Variants in PIF1 observed in about 807,000 individuals in gnomAD.
PIF1 encodes ATP-dependent DNA helicase PIF1.
In PIF1, 67 loss-of-function variants were observed where a neutral mutation model predicts 62.3. The ratio of observed to expected loss-of-function variants is 1.08; its 90% CI spans 0.88 to 1.32. The LOEUF (loss-of-function observed/expected upper bound fraction) is 1.32. Ranked by LOEUF, PIF1 falls within the 40% of genes most tolerant of loss-of-function variation. PIF1 has a pLI of 0.00. For synonymous variants in PIF1, 364 were observed against 379.5 expected, an observed-to-expected ratio of 0.96 and a Z score of 0.47; for missense variants, 886 against 866.1, an observed-to-expected ratio of 1.02 and a Z score of -0.29.
chr15:64,816,256 G>C lies in PIF1; in HGVS notation c.*42C>G. On this transcript the variant is annotated 3_prime_UTR_variant, in exon 13 of 13. Coordinates refer to ENST00000559239, the MANE Select transcript of PIF1 (RefSeq NM_001286496.2). ...GGCCACTAGGGAGCAGGAGGACGGG[G>C]AGGCCACAGGCCACCCTTTGTCTTC... 1 of 1,612,540 alleles carries C rather than the reference G, an allele frequency of 6.2e-7. No homozygotes were observed. Among genetic ancestry groups the C allele is most frequent in the Non-Finnish European group, 8.5e-7 (1 of 1,179,762 alleles).
chr15:64,816,801 G>A (rs749354500), intron 11 of PIF1, 36 bp from the exon 12 acceptor site: 7 of 1,538,724 alleles, frequency 4.5e-6, no homozygotes, highest in African/African-American at 4.2e-5. Flanking sequence ...AGTCAGCTCA[G>A]CCTTAAGTCC....
Position 64,821,533 on chromosome 15 carries a change from C to T in PIF1, c.818-13G>A, listed in dbSNP as rs770525389. The T allele has an allele frequency of 6.4e-7, 1 of 1,561,442 alleles. No individual in the cohort carries two copies. Among genetic ancestry groups the T allele is most frequent in the Non-Finnish European group, 8.7e-7 (1 of 1,153,228 alleles). On this transcript the variant is annotated splice_polypyrimidine_tract_variant and intron_variant, in intron 4 of 12. Transcript: ENST00000559239. Reference sequence around the variant, plus strand: ...CCTGAGCCGATGCCTGTGAGTGACACTATTCAGCCTGGGCTAATACCCAAA... The same window carrying T: ...CCTGAGCCGATGCCTGTGAGTGACATTATTCAGCCTGGGCTAATACCCAAA...
Position 64,819,169 on chromosome 15 carries a change from A to G in PIF1, c.1388T>C (p.Leu463Pro), listed in dbSNP as rs1332137198. Residue 463 changes from leucine to proline, a missense_variant, in exon 9 of 13, where the codon CTG becomes CCG. Transcript: ENST00000559239. ...MDSNPELAST[L>P]DAQCPVSQLL... ...CTGGCTAACAGGACACTGGGCATCC[A>G]GGGTACTGGCCAGCTCAGGGTTGCT... 6.2e-7 allele frequency: 1 copy of G among 1,600,788 alleles called. No homozygotes were observed.
chr15:64,822,724 C>T, intron 2 of PIF1, 114 bp from the exon 3 acceptor site: 1 of 1,456,708 alleles, frequency 6.9e-7, no homozygotes, highest in Non-Finnish European at 9.2e-7. Context: ...CTACTGCCTT[C>T]ATTCCATGGA....
chr15:64,822,524 C>T lies in PIF1; in HGVS notation c.645G>A (p.Leu215=). Reference sequence around the variant, plus strand: ...TGCTCTGGCCTTTCAGGACGGCCCTCAGCACAGCAGCCTGTTCCTCAGAAA... The same window carrying T: ...TGCTCTGGCCTTTCAGGACGGCCCTTAGCACAGCAGCCTGTTCCTCAGAAA... The part of the protein sequence containing the change: ...PQLSEEQAAV[L]RAVLKGQSIF... Residue 215 remains leucine (L), a synonymous_variant, in exon 3 of 13, where the codon CTG becomes CTA. Coordinates refer to ENST00000559239, the MANE Select transcript of PIF1 (RefSeq NM_001286496.2). 10 of 1,614,116 alleles carry T rather than the reference C, an allele frequency of 6.2e-6. No homozygotes were observed. Among genetic ancestry groups the T allele is most frequent in the Non-Finnish European group, 8.5e-6 (10 of 1,180,026 alleles).
At chr15:64,823,726 T>C in intron 2 of PIF1, 52 bp downstream of exon 2, 1 of 1,247,978 alleles carries the variant, frequency 8.0e-7, no homozygotes, top group Non-Finnish European at 1.0e-6. Flanking sequence ...CTCTGCCATC[T>C]TAAAGAATGG....
Position 64,817,938 on chromosome 15 carries a change from G to T in PIF1, c.1674+8C>A, listed in dbSNP as rs746342354. Reference sequence around the variant, plus strand: ...CTCCCTGTCCCTGCCCCCCACACCGGTGCTCACTTGGCTCTTGTGGATGGA... The same window carrying T: ...CTCCCTGTCCCTGCCCCCCACACCGTTGCTCACTTGGCTCTTGTGGATGGA... On this transcript the variant is annotated splice_region_variant and intron_variant, in intron 11 of 12. Coordinates refer to ENST00000559239, the MANE Select transcript of PIF1 (RefSeq NM_001286496.2). The T allele has an allele frequency of 6.2e-7, 1 of 1,607,610 alleles. No homozygotes were observed. The highest frequency in any genetic ancestry group is 1.1e-5 in the South Asian group (1 of 90,840).
At position 64,824,110 on chromosome 15, in the gene PIF1, G is replaced by C; in HGVS notation, c.226C>G (p.Leu76Val). The C allele has an allele frequency of 7.9e-7, 1 of 1,271,948 alleles. No individual in the cohort carries two copies. The highest frequency in any genetic ancestry group is 9.9e-7 in the Non-Finnish European group (1 of 1,010,452). 78.8% of individuals were successfully genotyped at this position (1,271,948 alleles called of 1,614,324 possible). Reference protein sequence around the residue: ...PRCFPLRAARLFTRFAEAGRS... With the variant: ...PRCFPLRAARVFTRFAEAGRS... ...CCGGCCTCGGCGAAACGCGTGAAGAGGCGCGCGGCGCGCAGAGGAAAGCAG... is the reference window on the plus strand; with the variant it reads ...CCGGCCTCGGCGAAACGCGTGAAGACGCGCGCGGCGCGCAGAGGAAAGCAG... Residue 76 changes from leucine to valine, a missense_variant, in exon 2 of 13, where the codon CTC becomes GTC. Leu to Val is a conservative substitution (Grantham distance 32). Transcript: ENST00000559239.
In PIF1 at chr15:64,824,277, C is replaced by G. The variant is rs780700773; in HGVS notation, c.59G>C (p.Arg20Pro). 4 of 1,278,662 alleles carry G rather than the reference C, an allele frequency of 3.1e-6. No individual in the cohort carries two copies. The East Asian group carries it at 9.3e-5, about 30-fold the overall frequency. 79.2% of individuals were successfully genotyped at this position (1,278,662 alleles called of 1,614,324 possible). ...GEYEDSELRC[R>P]VAVEELSPGG... The stretch of plus-strand genomic sequence containing the variant: ...CGGGCTCAGCTCCTCCACAGCCACG[C>G]GGCACCGCAGCTCCGAGTCCTCATA... The change falls in exon 2 of 13, where the codon CGC (arginine) becomes CCC (proline). Residue 20 changes from arginine to proline, a missense_variant. Coordinates refer to ENST00000559239, the MANE Select transcript of PIF1 (RefSeq NM_001286496.2).
rs779162370 is a variant in PIF1, at chr15:64,816,314, A to C, written c.1910T>G (p.Met637Arg). The C allele has an allele frequency of 6.2e-7, 1 of 1,614,050 alleles. No individual in the cohort carries two copies. The highest frequency in any genetic ancestry group is 1.1e-5 in the South Asian group (1 of 91,078). The change falls in exon 13 of 13, where the codon ATG becomes AGG. Residue 637 changes from methionine to arginine, a missense_variant. Coordinates refer to ENST00000559239, the MANE Select transcript of PIF1 (RefSeq NM_001286496.2). ...DDEAASDQEN[M>R]DPIL is the part of the protein sequence containing the mutation. ...GGGTGAGGCTCAGAGGATTGGGTCC[A>C]TGTTCTCCTGGTCTGAGGCTGCCTC... is the stretch of plus-strand genomic sequence containing the variant.
At chr15:64,819,261 C>G in intron 8 of PIF1, 38 bp from the exon 9 acceptor site, 8 of 1,359,964 alleles carry the variant, frequency 5.9e-6, no homozygotes, top group Non-Finnish European at 8.2e-6. Flanking sequence ...TCACAAATCA[C>G]TGACTTGTGA....
At position 64,816,672 on chromosome 15, in the gene PIF1, C is replaced by T; in HGVS notation, c.1768G>A (p.Gly590Ser). 6.2e-7 allele frequency: 1 copy of T among 1,613,948 alleles called. No individual in the cohort carries two copies. The highest frequency in any genetic ancestry group is 8.5e-7 in the Non-Finnish European group (1 of 1,179,996). Residue 590 changes from glycine (G) to serine (S), a missense_variant, in exon 12 of 13, where the codon GGC becomes AGC. Coordinates refer to ENST00000559239, the MANE Select transcript of PIF1 (RefSeq NM_001286496.2). Reference protein sequence around the residue: ...VALSRARSLQGLRVLDFDPMA... With the variant: ...VALSRARSLQSLRVLDFDPMA... ...GGGTCAAAGTCCAGCACACGTAGGC[C>T]CTGCAGGCTGCGGGCCCGAGAAAGG...
rs758365518 is a variant in PIF1 at position 64,824,241 on chromosome 15, G to T, written c.95C>A (p.Pro32Gln). 8.4e-6 allele frequency: 11 copies of T among 1,315,746 alleles called. No homozygotes were observed. Among genetic ancestry groups the T allele is most frequent in the Non-Finnish European group, 1.1e-5 (11 of 1,026,760 alleles). The allele number at this position is 1,315,746 out of a possible 1,614,324, so 81.5% of individuals were successfully genotyped here. ...GGTGCGCAGGGCCTGGCGCCTTCGC[G>T]GCTGCCCGCCCGGGCTCAGCTCCTC... ...AVEELSPGGQPRRRQALRTAE... is the reference protein window; with the variant it reads ...AVEELSPGGQQRRRQALRTAE... The change falls in exon 2 of 13, where the codon CCG (proline) becomes CAG (glutamine). Residue 32 changes from proline (P) to glutamine (Q), a missense_variant. Coordinates refer to ENST00000559239, the MANE Select transcript of PIF1 (RefSeq NM_001286496.2).
chr15:64,816,490 A>C, intron 12 of PIF1, 84 bp downstream of exon 12: 1 of 1,593,156 alleles, frequency 6.3e-7, no homozygotes. Context: ...CCCCCACCCC[A>C]GGTCCCACTG....
At chr15:64,820,638 G>A (rs1018513591) in intron 7 of PIF1, among the ~76,000 whole-genome samples, 21 of 152,106 alleles carry the variant, frequency 1.4e-4, no homozygotes, top group Non-Finnish European at 2.2e-4. Context: ...CTTGTGATCC[G>A]CCTGCCTCAG....
upstream of PIF1, chr15:64,825,686 A>G (rs960117661): frequency 3.3e-5 from 5 of 152,138 alleles, no homozygotes; most frequent in African/African-American, 1.2e-4. Flanking sequence ...GCAGAAAATC[A>G]CCCAATCACC....
At chr15:64,824,904 T>TACAC in intron 1 of PIF1, among the ~76,000 whole-genome samples, 1 of 149,942 alleles carries the variant, frequency 6.7e-6, no homozygotes, top group Non-Finnish European at 1.5e-5. Context: ...TATATATATA[T>TACAC]ATACACACAC....
intron 8 of PIF1, 42 bp downstream of exon 8, chr15:64,819,805 C>T (rs2084257838): frequency 1.9e-6 from 3 of 1,607,006 alleles, no homozygotes; most frequent in Admixed American, 1.7e-5. Context: ...CTGCTTATAA[C>T]TCTTCCCAGC....
chr15:64,823,865 C>T lies in PIF1; in HGVS notation c.471G>A (p.Glu157=). Residue 157 remains glutamate, a synonymous_variant, in exon 2 of 13, where the codon GAG becomes GAA. Transcript: ENST00000559239. ...CCCGGGTGGCCGCCCTGAGCCGCCG[C>T]TCCTCGGGCTGCACAGGGCTGATGG... The part of the protein sequence containing the change: ...FVTISPVQPE[E]RRLRAATRVP... 7.2e-7 allele frequency: 1 copy of T among 1,391,404 alleles called. No homozygotes were observed. Among genetic ancestry groups the T allele is most frequent in the Non-Finnish European group, 9.4e-7 (1 of 1,061,790 alleles). The allele number at this position is 1,391,404 out of a possible 1,614,324, so 86.2% of individuals were successfully genotyped here.
Sources: gnomAD v4.1 joint callset for allele counts (sites outside exome capture counted in the v4.1 genomes callset) on GRCh38, gnomAD v4.1.1 for gene constraint, MANE v1.5 for transcripts, NCBI Gene and HGNC (gene_info 2026-07-23, HGNC 2026-07-21) for gene names.